The following SEM1 variants were observed in gnomAD, a reference collection of about 807,000 sequenced individuals.
The protein encoded by SEM1 is SEM1 26S proteasome subunit.
In SEM1, 3 loss-of-function variants were observed where a neutral mutation model predicts 12.7. The ratio of observed to expected loss-of-function variants is 0.24; its 90% confidence interval spans 0.11 to 0.61. The LOEUF (loss-of-function observed/expected upper bound fraction) is 0.61. Ranked by LOEUF, SEM1 falls within the 20% of genes least tolerant of loss-of-function variation. SEM1 has a pLI of 0.88. For missense variants in SEM1, 59 were observed against 81.3 expected (o/e 0.73, Z 1.06); for synonymous variants, 30 against 27.8 (o/e 1.08, Z -0.25).
At chr7:96,627,850 A>G (rs560380420) in intron 2 of SEM1, among the ~76,000 whole-genome samples, 1 of 152,214 alleles carries the variant, frequency 6.6e-6, no homozygotes, top group Non-Finnish European at 1.5e-5. Context: ...GATCTGTCCA[A>G]TGCTGAAAAT....
intron 2 of SEM1, among the ~76,000 whole-genome samples, chr7:96,511,233 G>A (rs1803924724): frequency 6.6e-6 from 1 of 152,248 alleles, no homozygotes; most frequent in East Asian, 1.9e-4. Flanking sequence ...CCTGACCACA[G>A]ATTCATTCAT....
chr7:96,556,019 CT>C (rs61562790), intron 2 of SEM1, among the ~76,000 whole-genome samples: 84,381 of 141,446 alleles, frequency 0.6, 25,899 homozygotes, highest in Non-Finnish European at 0.69. Context: ...CAACCCCTGC[CT>C]TTTTTTGTTT....
At chr7:96,532,017 C>G (rs547654556) in intron 2 of SEM1, among the ~76,000 whole-genome samples, 1 of 152,006 alleles carries the variant, frequency 6.6e-6, no homozygotes, top group African/African-American at 2.4e-5. Context: ...ATCCCATGGC[C>G]TCTGCTCAGT....
chr7:96,541,352 G>T (rs1347761206), intron 2 of SEM1, among the ~76,000 whole-genome samples: 1 of 148,044 alleles, frequency 6.8e-6, no homozygotes, highest in African/African-American at 2.5e-5. Context: ...GATGCTGAAC[G>T]TTTTTTATAT....
chr7:96,592,698 G>C (rs1806865398), intron 2 of SEM1, among the ~76,000 whole-genome samples: 1 of 151,692 alleles, frequency 6.6e-6, no homozygotes, highest in African/African-American at 2.4e-5. Context: ...AAGGTGGCAG[G>C]TTTTTAAGTA....
intron 1 of SEM1, among the ~76,000 whole-genome samples, chr7:96,703,165 T>C (rs1790323752): frequency 6.6e-6 from 1 of 152,200 alleles, no homozygotes; most frequent in Non-Finnish European, 1.5e-5. Context: ...AATACTTGCA[T>C]TATATATTTA....
chr7:96,651,340 A>G (rs1480573661), intron 2 of SEM1, among the ~76,000 whole-genome samples: 2 of 152,186 alleles, frequency 1.3e-5, no homozygotes, highest in East Asian at 3.8e-4. Flanking sequence ...TTAATACTTA[A>G]AATAAATTAG....
chr7:96,541,096 A>G (rs1178852959), intron 2 of SEM1, among the ~76,000 whole-genome samples: 2 of 151,914 alleles, frequency 1.3e-5, no homozygotes, highest in Admixed American at 6.6e-5. Context: ...CTTTGGGTAC[A>G]TATTCAGTAA....
chr7:96,557,779 C>G (rs1805567860), intron 2 of SEM1, among the ~76,000 whole-genome samples: 1 of 151,990 alleles, frequency 6.6e-6, no homozygotes, highest in Admixed American at 6.5e-5. Flanking sequence ...GGCGGGCGCC[C>G]TTCCCCCAGC....
intron 2 of SEM1, among the ~76,000 whole-genome samples, chr7:96,574,464 C>T (rs1396203105): frequency 6.6e-6 from 1 of 152,178 alleles, no homozygotes; most frequent in South Asian, 2.1e-4. Flanking sequence ...AATGGGATCA[C>T]TGGGTCAAAT....
At chr7:96,704,832 ATCC>A (rs1790396157) in intron 1 of SEM1, among the ~76,000 whole-genome samples, 1 of 152,198 alleles carries the variant, frequency 6.6e-6, no homozygotes, top group Non-Finnish European at 1.5e-5. Flanking sequence ...ATTCTAAGGA[ATCC>A]TCCTATTGAA....
At chr7:96,486,327 T>C (rs1802764081) in exon 2 of SEM1, 1 of 1,537,132 alleles carries the variant, frequency 6.5e-7, no homozygotes. Flanking sequence ...TGAGCTGGGC[T>C]TCTTATGCTG....
At chr7:96,498,536 T>G (rs1803385127), upstream of SEM1, among the ~76,000 whole-genome samples, 1 of 152,164 alleles carries the variant, frequency 6.6e-6, no homozygotes, top group African/African-American at 2.4e-5. Flanking sequence ...CAGAGATGAA[T>G]TGAGGGAAAC....
chr7:96,513,543 C>T (rs569164447), intron 2 of SEM1, among the ~76,000 whole-genome samples: 7 of 152,090 alleles, frequency 4.6e-5, no homozygotes, highest in African/African-American at 1.4e-4. Context: ...ATGTAAAGAA[C>T]GTAGGCTGGG....
chr7:96,607,473 A>G (rs1346149767), intron 2 of SEM1, among the ~76,000 whole-genome samples: 1 of 152,232 alleles, frequency 6.6e-6, no homozygotes, highest in Non-Finnish European at 1.5e-5. Flanking sequence ...AGAAATGTTT[A>G]TGGTAAAATT....
intron 1 of SEM1, among the ~76,000 whole-genome samples, chr7:96,704,987 C>T (rs970773421): frequency 3.9e-5 from 6 of 152,176 alleles, no homozygotes; most frequent in Admixed American, 3.3e-4. Flanking sequence ...TACACTCCTA[C>T]CTGTCAAGTC....
In SEM1 at chr7:96,511,395, A is replaced by G; in HGVS notation, c.171-4697T>C. Among the ~76,000 whole-genome samples the G allele has an allele frequency of 1.3e-5, 2 of 152,122 alleles. 1 individual carries two copies. The highest frequency in any genetic ancestry group is 1.3e-4 in the Admixed American group (2 of 15,256). On this transcript the variant is annotated intron_variant and NMD_transcript_variant, in intron 2 of 3. Transcript: ENST00000466986. ...ATTTAATAAAGATTCCAAGAGAGAGATTCTTTTTGATTGAAGAATTATGAA... is the reference window on the plus strand; with the variant it reads ...ATTTAATAAAGATTCCAAGAGAGAGGTTCTTTTTGATTGAAGAATTATGAA...
rs569574869 is a variant in SEM1, at chr7:96,528,236, C to G, written c.171-21538G>C. Among the ~76,000 whole-genome samples the G allele has an allele frequency of 3.9e-5, 6 of 152,250 alleles. No homozygotes were observed. In the South Asian group the frequency reaches 1.2e-3, roughly 32 times the overall value. ...CGAGACAGGGTCTCACTCTGTCACC[C>G]AGGCTGGAGTACAGTGGCGTGATCT... is the stretch of plus-strand genomic sequence containing the variant. On this transcript the variant is annotated intron_variant and NMD_transcript_variant, in intron 2 of 3. Coordinates refer to the SEM1 transcript ENST00000466986.
At chr7:96,625,050 AAAC>A (rs1358842298) in intron 2 of SEM1, among the ~76,000 whole-genome samples, 1 of 152,142 alleles carries the variant, frequency 6.6e-6, no homozygotes, top group East Asian at 1.9e-4. Flanking sequence ...GTTGCTTGAA[AAAC>A]AACTCCCCCT....
Sources: gnomAD v4.1 joint callset for allele counts (sites outside exome capture counted in the v4.1 genomes callset) on GRCh38, gnomAD v4.1.1 for gene constraint, MANE v1.5 for transcripts, NCBI Gene and HGNC (gene_info 2026-07-23, HGNC 2026-07-21) for gene names.